The following MED14 variants were observed in gnomAD, a reference collection of about 807,000 sequenced individuals.
The protein encoded by MED14 is mediator of RNA polymerase II transcription subunit 14.
In MED14, 8 loss-of-function variants were observed where a neutral mutation model predicts 109.0. The observed-to-expected ratio is 0.07, with a 90% CI of 0.04 to 0.13. The LOEUF is 0.13. Ranked by LOEUF, MED14 falls within the 10% of genes least tolerant of loss-of-function variation. MED14 has a pLI of 1.00. For synonymous variants in MED14, 399 were observed against 408.7 expected (o/e 0.98, Z 0.29); for missense variants, 711 against 1,142.4 (o/e 0.62, Z 5.44).
At chrX:40,702,495 C>T (rs1450079039) in intron 11 of MED14, among the ~76,000 whole-genome samples, 2 of 109,491 alleles carry the variant, frequency 1.8e-5, no homozygotes, top group African/African-American at 6.7e-5. Context: ...TACAGGCACC[C>T]GCCACCACGT....
intron 9 of MED14, 37 bp from the exon 10 acceptor site, chrX:40,709,496 T>G (rs1192642820): frequency 1.4e-6 from 1 of 732,647 alleles, no homozygotes. Flanking sequence ...AATGTGCAAT[T>G]TAAACATTTT....
At chrX:40,729,733 T>C (rs908524715) in intron 1 of MED14, among the ~76,000 whole-genome samples, 5 of 112,096 alleles carry the variant, frequency 4.5e-5, no homozygotes, top group African/African-American at 1.3e-4. Flanking sequence ...ATCCAATGGA[T>C]ACCTGTTTCC....
At chrX:40,729,966 C>A (rs916554865) in intron 1 of MED14, among the ~76,000 whole-genome samples, 1 of 112,276 alleles carries the variant, frequency 8.9e-6, no homozygotes, top group East Asian at 2.8e-4. Context: ...CCCAGATAAG[C>A]TATACCATTT....
At chrX:40,733,747 A>G (rs1932158921) in intron 1 of MED14, among the ~76,000 whole-genome samples, 1 of 112,150 alleles carries the variant, frequency 8.9e-6, no homozygotes, top group African/African-American at 3.2e-5. Context: ...GAGATAGCAA[A>G]GAAGGTTCTG....
intron 10 of MED14, among the ~76,000 whole-genome samples, chrX:40,706,721 G>A (rs1320828222): frequency 2.7e-5 from 3 of 111,636 alleles, no homozygotes; most frequent in African/African-American, 9.8e-5. Flanking sequence ...CTATGTAAAC[G>A]TATGCTTTGA....
At chrX:40,677,063 G>A (rs1400715491) in intron 21 of MED14, among the ~76,000 whole-genome samples, 1 of 111,910 alleles carries the variant, frequency 8.9e-6, no homozygotes, top group Non-Finnish European at 1.9e-5. Context: ...TATTCTCACT[G>A]AGCTCGGTTA....
At chrX:40,727,411 A>T (rs1453274820) in intron 2 of MED14, among the ~76,000 whole-genome samples, 1 of 111,933 alleles carries the variant, frequency 8.9e-6, no homozygotes, top group Non-Finnish European at 1.9e-5. Context: ...AACTAATTTC[A>T]ATGACAAACT....
rs1160740447 is a variant in MED14, at chrX:40,662,821, G to A, written c.3684+104C>T. On this transcript the variant is annotated intron_variant, in intron 26 of 30. Transcript: ENST00000324817. ...TAATTCTAACAAGCTTGTTAAAGGAGGGAAGGTGAAGGAATGTCACGTTAG... is the reference window on the plus strand; with the variant it reads ...TAATTCTAACAAGCTTGTTAAAGGAAGGAAGGTGAAGGAATGTCACGTTAG... 4 of 556,352 alleles carry A rather than the reference G, an allele frequency of 7.2e-6. No individual in the cohort carries two copies. The African/African-American group carries it at 9.3e-5, about 13-fold the overall frequency. 45.8% of individuals were successfully genotyped at this position (556,352 alleles called of 1,213,427 possible).
At position 40,692,712 on chromosome X, in the gene MED14, C is replaced by T. The variant is rs752874137; in HGVS notation, c.1841G>A (p.Arg614His). The change falls in exon 14 of 31, where the codon CGC (arginine) becomes CAC (histidine). Residue 614 changes from arginine (R) to histidine (H), a missense_variant. Coordinates refer to ENST00000324817, the MANE Select transcript of MED14 (RefSeq NM_004229.4). ...TGKQTRTNAK[R>H]KLSDDPCPVE... ...CATTTTCATATGGAATCATACCTTG[C>T]GCTTGGCATTGGTTCTGGTCTGTTT... 11 of 1,203,239 alleles carry T rather than the reference C, an allele frequency of 9.1e-6. No homozygotes were observed. Among genetic ancestry groups the T allele is most frequent in the Admixed American group, 6.8e-5 (3 of 44,250 alleles).
At chrX:40,729,424 A>G in intron 1 of MED14, 79 bp from the exon 2 acceptor site, 1 of 964,088 alleles carries the variant, frequency 1.0e-6, no homozygotes, top group Non-Finnish European at 1.4e-6. Context: ...CTTTGACTCT[A>G]TTAAATACGT....
intron 9 of MED14, among the ~76,000 whole-genome samples, 179 bp downstream of exon 9, chrX:40,709,800 T>G (rs930783564): frequency 7.5e-4 from 84 of 111,661 alleles, no homozygotes; most frequent in African/African-American, 2.4e-3. Context: ...AAATTATATA[T>G]TATAGTATCA....
chrX:40,658,832 C>T (rs1929165776), intron 28 of MED14, among the ~76,000 whole-genome samples: 1 of 111,002 alleles, frequency 9.0e-6, no homozygotes, highest in Non-Finnish European at 1.9e-5. Context: ...CACTGCACTC[C>T]AGCCTGGGTA....
At chrX:40,661,328 T>C (rs891302533) in intron 26 of MED14, among the ~76,000 whole-genome samples, 3 of 107,279 alleles carry the variant, frequency 2.8e-5, no homozygotes, top group African/African-American at 1.1e-4. Context: ...GTGATCCGCC[T>C]GCCTCAGCCT....
chrX:40,670,449 C>A (rs1263790015), intron 23 of MED14, among the ~76,000 whole-genome samples: 5 of 112,501 alleles, frequency 4.4e-5, no homozygotes, highest in African/African-American at 1.6e-4. Context: ...ATATACATAT[C>A]TATAAGAATT....
intron 1 of MED14, among the ~76,000 whole-genome samples, chrX:40,731,040 C>T (rs188267596): frequency 2.4e-4 from 26 of 108,172 alleles, no homozygotes; most frequent in Admixed American, 7.9e-4. Context: ...ACTTGGAAGG[C>T]TGAAGTGGGA....
chrX:40,658,574 C>T (rs771879291), intron 28 of MED14, among the ~76,000 whole-genome samples: 16 of 108,692 alleles, frequency 1.5e-4, no homozygotes, highest in South Asian at 4.0e-4. Flanking sequence ...AAGAAGGCCA[C>T]GCACAGTGGC....
chrX:40,708,408 T>C (rs925799374), intron 10 of MED14, among the ~76,000 whole-genome samples: 2 of 112,154 alleles, frequency 1.8e-5, no homozygotes, highest in Non-Finnish European at 3.8e-5. Flanking sequence ...AATCTATTTC[T>C]GTCAAAGTGA....
At chrX:40,672,310 C>A (rs999667015) in intron 22 of MED14, among the ~76,000 whole-genome samples, 6 of 111,768 alleles carry the variant, frequency 5.4e-5, no homozygotes, top group Admixed American at 1.9e-4. Context: ...AGACATTTTC[C>A]CCCCACACTT....
rs184986845 is a variant in MED14, at chrX:40,656,366, C to T, written c.3973-1306G>A. On this transcript the variant is annotated intron_variant, in intron 28 of 30. Coordinates refer to ENST00000324817, the MANE Select transcript of MED14 (RefSeq NM_004229.4). ...GGCTAACTTCGCTAATGTACATACC[C>T]AATTCCTACAAATCAAAAGACCTAA... Among the ~76,000 whole-genome samples the T allele has an allele frequency of 4.5e-5, 5 of 112,075 alleles. No individual in the cohort carries two copies. In the East Asian group the frequency reaches 1.4e-3, roughly 31 times the overall value.
Sources: allele counts gnomAD v4.1 joint callset (sites outside exome capture counted in the v4.1 genomes callset), GRCh38; gene constraint gnomAD v4.1.1; transcripts MANE v1.5; gene names NCBI Gene and HGNC (gene_info 2026-07-23, HGNC 2026-07-21).